The following EPHA6 variants were observed in gnomAD, a reference collection of about 807,000 sequenced individuals.
EPHA6 encodes the protein EPH receptor A6, also known as ephrin type-A receptor 6.
A neutral mutation model predicts 112.0 loss-of-function variants in EPHA6; 50 were observed. That is an observed-to-expected ratio of 0.45 (90% confidence interval 0.36 to 0.56). The LOEUF (loss-of-function observed/expected upper bound fraction) is 0.56, where lower values mean the gene tolerates loss of function less well. EPHA6 is among the 20% of genes least tolerant of loss of function. EPHA6 has a pLI of 0.00. For synonymous variants in EPHA6, 529 were observed against 490.7 expected (o/e 1.08, Z -1.03); for missense variants, 1,280 against 1,417.4 (o/e 0.90, Z 1.56).
At chr3:97,241,915 T>C (rs760854196) in intron 4 of EPHA6, among the ~76,000 whole-genome samples, 3 of 151,694 alleles carry the variant, frequency 2.0e-5, no homozygotes, top group Non-Finnish European at 3.0e-5. Flanking sequence ...ACCAACCATA[T>C]GAATATGTCA....
At chr3:97,660,711 A>G (rs2094164214) in intron 14 of EPHA6, among the ~76,000 whole-genome samples, 1 of 152,120 alleles carries the variant, frequency 6.6e-6, no homozygotes, top group South Asian at 2.1e-4. Context: ...TCTGGAGAGT[A>G]TTCTTTAATT....
intron 2 of EPHA6, among the ~76,000 whole-genome samples, chr3:96,876,273 G>C (rs1258039588): frequency 6.6e-6 from 1 of 151,316 alleles, no homozygotes; most frequent in Admixed American, 6.6e-5. Flanking sequence ...TCTATTTTAA[G>C]TGATAAATTT....
intron 10 of EPHA6, among the ~76,000 whole-genome samples, chr3:97,511,425 C>T (rs1323919232): frequency 1.3e-5 from 2 of 152,120 alleles, no homozygotes; most frequent in East Asian, 1.9e-4. Flanking sequence ...CTTCTCTTGG[C>T]TAGAGGAGGG....
At chr3:97,281,971 A>G (rs539008530) in intron 5 of EPHA6, among the ~76,000 whole-genome samples, 1 of 152,330 alleles carries the variant, frequency 6.6e-6, no homozygotes, top group Non-Finnish European at 1.5e-5. Context: ...GGCACACATA[A>G]TAAGTGTTCA....
At chr3:97,330,568 C>A (rs1201735775) in intron 5 of EPHA6, among the ~76,000 whole-genome samples, 2 of 151,928 alleles carry the variant, frequency 1.3e-5, no homozygotes, top group South Asian at 2.1e-4. Flanking sequence ...GCATTTAATT[C>A]TCTTTGAAGC....
intron 11 of EPHA6, among the ~76,000 whole-genome samples, chr3:97,583,651 A>G (rs994747054): frequency 6.6e-6 from 1 of 152,214 alleles, no homozygotes; most frequent in Non-Finnish European, 1.5e-5. Context: ...CCAAATAAAC[A>G]GAAAAATATT....
At chr3:97,726,125 G>T (rs1194384374) in intron 15 of EPHA6, among the ~76,000 whole-genome samples, 2 of 151,974 alleles carry the variant, frequency 1.3e-5, no homozygotes, top group East Asian at 3.9e-4. Context: ...ATTTTCTGTT[G>T]TAGGTAACCA....
intron 5 of EPHA6, among the ~76,000 whole-genome samples, chr3:97,336,782 A>G (rs1301039037): frequency 6.6e-6 from 1 of 152,148 alleles, no homozygotes; most frequent in Admixed American, 6.6e-5. Context: ...TACATGAGCT[A>G]CATGGAATAT....
intron 2 of EPHA6, among the ~76,000 whole-genome samples, chr3:96,893,759 T>C (rs925109835): frequency 6.6e-6 from 1 of 152,176 alleles, no homozygotes; most frequent in Non-Finnish European, 1.5e-5. Flanking sequence ...ATGACAGTTA[T>C]GACTAAAGCA....
chr3:97,739,755 G>A (rs955680158), intron 16 of EPHA6, among the ~76,000 whole-genome samples: 1 of 151,878 alleles, frequency 6.6e-6, no homozygotes, highest in African/African-American at 2.4e-5. Flanking sequence ...ATAAGTGAAT[G>A]TGGCAGTATT....
At chr3:97,263,388 T>G (rs981108869) in intron 5 of EPHA6, among the ~76,000 whole-genome samples, 14 of 151,620 alleles carry the variant, frequency 9.2e-5, no homozygotes, top group Admixed American at 7.9e-4. Context: ...AGGAATGCAC[T>G]TTAAATTTTC....
intron 3 of EPHA6, among the ~76,000 whole-genome samples, chr3:96,992,342 G>A (rs1299834593): frequency 6.6e-6 from 1 of 152,054 alleles, no homozygotes; most frequent in Non-Finnish European, 1.5e-5. Flanking sequence ...AATATCACAA[G>A]TTTTAACTTT....
At chr3:97,492,843 G>C (rs751526781) in intron 10 of EPHA6, among the ~76,000 whole-genome samples, 2 of 151,990 alleles carry the variant, frequency 1.3e-5, no homozygotes, top group African/African-American at 2.4e-5. Context: ...ATTTTAGATG[G>C]GAAAAGCATT....
intron 11 of EPHA6, among the ~76,000 whole-genome samples, chr3:97,567,534 C>T (rs547956350): frequency 1.3e-5 from 2 of 152,272 alleles, no homozygotes; most frequent in Non-Finnish European, 2.9e-5. Context: ...GATGTCCTCC[C>T]CAATACCCCA....
In EPHA6 at chr3:97,244,277, G is replaced by T; in HGVS notation, c.1596G>T (p.Thr532=). The T allele has an allele frequency of 6.2e-7, 1 of 1,612,856 alleles. No homozygotes were observed. ...PKPFTAITVT[T]DQDAPSLIGV... Reference sequence around the variant, plus strand: ...CATTCACAGCTATTACAGTGACCACGGATCAAGATGGTAAGTTCCACTGCT... The same window carrying T: ...CATTCACAGCTATTACAGTGACCACTGATCAAGATGGTAAGTTCCACTGCT... The change falls in exon 5 of 18, where the codon ACG becomes ACT. Residue 532 remains threonine, a synonymous_variant. Transcript: ENST00000389672.
intron 3 of EPHA6, among the ~76,000 whole-genome samples, chr3:97,044,763 T>C (rs922691930): frequency 1.3e-5 from 2 of 152,104 alleles, no homozygotes; most frequent in African/African-American, 4.8e-5. Context: ...CTCAATTGGC[T>C]TCTGACTTTC....
At chr3:97,410,486 T>G (rs1323434186) in intron 6 of EPHA6, among the ~76,000 whole-genome samples, 1 of 152,104 alleles carries the variant, frequency 6.6e-6, no homozygotes, top group Non-Finnish European at 1.5e-5. Flanking sequence ...CCATCTGTTA[T>G]TTAGGTACAG....
intron 3 of EPHA6, among the ~76,000 whole-genome samples, chr3:97,120,545 G>A (rs1032509083): frequency 2.6e-5 from 4 of 151,716 alleles, no homozygotes; most frequent in Non-Finnish European, 5.9e-5. Context: ...CTGCTAACAT[G>A]AGGAGTAGGT....
intron 5 of EPHA6, among the ~76,000 whole-genome samples, chr3:97,335,001 T>A (rs1170071995): frequency 1.3e-5 from 2 of 152,170 alleles, no homozygotes; most frequent in Non-Finnish European, 2.9e-5. Context: ...GCATGTTTAT[T>A]AGTCAGTTCA....
Sources: allele counts gnomAD v4.1 joint callset (sites outside exome capture counted in the v4.1 genomes callset), GRCh38; gene constraint gnomAD v4.1.1; transcripts MANE v1.5; gene names NCBI Gene and HGNC (gene_info 2026-07-23, HGNC 2026-07-21).